Variants in ADAMTSL1 observed in about 807,000 individuals in gnomAD.
The protein encoded by ADAMTSL1 is ADAMTS like 1, also known as ADAMTS-like protein 1.
In ADAMTSL1, 126 loss-of-function variants were observed where a neutral mutation model predicts 201.8. The observed-to-expected ratio is 0.62, with a 90% CI of 0.54 to 0.72. ADAMTSL1 has a LOEUF of 0.72. ADAMTSL1 is among the 30% of genes least tolerant of loss of function. ADAMTSL1 has a pLI of 0.00. For synonymous variants in ADAMTSL1, 1,121 were observed against 903.4 expected, an observed-to-expected ratio of 1.24 and a Z score of -4.32; for missense variants, 2,679 against 2,277.8, an observed-to-expected ratio of 1.18 and a Z score of -3.59.
chr9:18,166,884 T>A (rs1027044824), intron 2 of ADAMTSL1, among the ~76,000 whole-genome samples: 1 of 151,998 alleles, frequency 6.6e-6, no homozygotes, highest in African/African-American at 2.4e-5. Context: ...GACCTTTCAG[T>A]GATACTTTCT....
chr9:17,988,815 C>T (rs1046583989), intron 1 of ADAMTSL1, among the ~76,000 whole-genome samples: 1 of 151,808 alleles, frequency 6.6e-6, no homozygotes, highest in African/African-American at 2.4e-5. Context: ...TTGTAAATAA[C>T]TTTATGTGAA....
intron 23 of ADAMTSL1, among the ~76,000 whole-genome samples, chr9:18,849,606 G>C (rs1361667845): frequency 6.6e-6 from 1 of 152,214 alleles, no homozygotes; most frequent in Non-Finnish European, 1.5e-5. Context: ...AGGGATGCCG[G>C]GAAGGGGAGG....
At chr9:18,050,422 A>G (rs988541895) in intron 1 of ADAMTSL1, among the ~76,000 whole-genome samples, 19 of 152,194 alleles carry the variant, frequency 1.2e-4, no homozygotes, top group African/African-American at 4.6e-4. Flanking sequence ...TTTTTAATAA[A>G]TATTCCCTGT....
intron 2 of ADAMTSL1, among the ~76,000 whole-genome samples, chr9:18,318,840 CTGTATGCCAAGT>C (rs1834510347): frequency 6.6e-6 from 1 of 152,046 alleles, no homozygotes; most frequent in African/African-American, 2.4e-5. Context: ...ATATGCCAAG[CTGTATGCCAAGT>C]GCTTTTATAG....
intron 1 of ADAMTSL1, among the ~76,000 whole-genome samples, chr9:18,107,814 T>C (rs927408742): frequency 5.3e-5 from 8 of 152,092 alleles, no homozygotes; most frequent in Non-Finnish European, 1.0e-4. Context: ...GTATATAACC[T>C]GGTACAGATT....
chr9:18,368,544 A>C (rs2133114976), intron 2 of ADAMTSL1, among the ~76,000 whole-genome samples: 1 of 152,320 alleles, frequency 6.6e-6, no homozygotes, highest in East Asian at 1.9e-4. Flanking sequence ...AGGGCAAGTG[A>C]TTTGCCCAGT....
chr9:18,625,525 G>C (rs1826309117), intron 5 of ADAMTSL1, among the ~76,000 whole-genome samples: 1 of 152,088 alleles, frequency 6.6e-6, no homozygotes, highest in Admixed American at 6.6e-5. Flanking sequence ...TAAAGGAAAA[G>C]ACTACCCACT....
intron 1 of ADAMTSL1, among the ~76,000 whole-genome samples, chr9:18,139,239 T>C (rs554507645): frequency 6.6e-6 from 1 of 152,298 alleles, no homozygotes; most frequent in African/African-American, 2.4e-5. Context: ...ATGAGGCATA[T>C]GTTGTTCCCT....
chr9:18,626,873 TTCTTCCTTCCTTC>T (rs1826406624), intron 5 of ADAMTSL1, among the ~76,000 whole-genome samples: 9 of 100,482 alleles, frequency 9.0e-5, no homozygotes, highest in Admixed American at 5.5e-4. Context: ...CTTTCTGTCT[TTCTTCCTTCCTTC>T]CTTCCTTCCT....
At chr9:18,158,775 A>G (rs894215940) in intron 1 of ADAMTSL1, among the ~76,000 whole-genome samples, 1 of 151,958 alleles carries the variant, frequency 6.6e-6, no homozygotes, top group Non-Finnish European at 1.5e-5. Context: ...TGTCCTTCCA[A>G]CCAGAAGTTA....
intron 1 of ADAMTSL1, among the ~76,000 whole-genome samples, chr9:18,123,706 T>C (rs1825605966): frequency 6.6e-6 from 1 of 152,218 alleles, no homozygotes; most frequent in Non-Finnish European, 1.5e-5. Flanking sequence ...CGACACTGCA[T>C]AATTTTAGAA....
intron 15 of ADAMTSL1, among the ~76,000 whole-genome samples, chr9:18,724,181 T>C (rs577329060): frequency 6.6e-6 from 1 of 152,368 alleles, no homozygotes; most frequent in South Asian, 2.1e-4. Flanking sequence ...TGGGCCTTTG[T>C]CTCTGAGAGG....
At chr9:18,277,067 G>T (rs1046175767) in intron 2 of ADAMTSL1, among the ~76,000 whole-genome samples, 4 of 152,110 alleles carry the variant, frequency 2.6e-5, no homozygotes, top group African/African-American at 4.8e-5. Context: ...GATTTCTCTT[G>T]TTATTTGTTT....
At chr9:18,709,458 G>C (rs1203424296) in intron 14 of ADAMTSL1, among the ~76,000 whole-genome samples, 1 of 152,092 alleles carries the variant, frequency 6.6e-6, no homozygotes, top group African/African-American at 2.4e-5. Flanking sequence ...TATTGTTTTT[G>C]TAATCTCAAG....
chr9:18,161,844 G>C (rs1243369259), intron 1 of ADAMTSL1, among the ~76,000 whole-genome samples: 1 of 151,960 alleles, frequency 6.6e-6, no homozygotes, highest in Non-Finnish European at 1.5e-5. Flanking sequence ...TTAGCCAGAA[G>C]GCTACATTTC....
chr9:18,603,395 GCTAT>G (rs1824795728), intron 4 of ADAMTSL1, among the ~76,000 whole-genome samples: 1 of 151,314 alleles, frequency 6.6e-6, no homozygotes, highest in Non-Finnish European at 1.5e-5. Context: ...GCTATGCTAT[GCTAT>G]GCTATGCTAT....
intron 2 of ADAMTSL1, among the ~76,000 whole-genome samples, chr9:18,168,867 T>C (rs1827756721): frequency 6.6e-6 from 1 of 151,098 alleles, no homozygotes; most frequent in African/African-American, 2.4e-5. Context: ...TGCATTTCTC[T>C]GATGGCCAGT....
intron 2 of ADAMTSL1, among the ~76,000 whole-genome samples, chr9:18,391,770 TTTG>T (rs973644028): frequency 2.6e-5 from 4 of 152,178 alleles, no homozygotes; most frequent in East Asian, 1.9e-4. Flanking sequence ...CAGATGATTT[TTTG>T]TTGTTGTTGT....
At chr9:18,553,210 CTT>C (rs35874115) in intron 3 of ADAMTSL1, among the ~76,000 whole-genome samples, 3 of 135,866 alleles carry the variant, frequency 2.2e-5, no homozygotes, top group Admixed American at 7.4e-5. Flanking sequence ...TAGTCCCAGT[CTT>C]TTTTTTTTTT....
Sources: allele counts gnomAD v4.1 joint callset (sites outside exome capture counted in the v4.1 genomes callset), GRCh38; gene constraint gnomAD v4.1.1; transcripts MANE v1.5; gene names NCBI Gene and HGNC (gene_info 2026-07-23, HGNC 2026-07-21).